The following BMERB1 variants were observed in gnomAD, a reference collection of about 807,000 sequenced individuals.
The protein encoded by BMERB1 is bMERB domain-containing protein 1.
A neutral mutation model predicts 23.6 loss-of-function variants in BMERB1; 12 were observed. That is an observed-to-expected ratio of 0.51 (90% confidence interval 0.33 to 0.82). The LOEUF is 0.82. Among genes scored for constraint, BMERB1 ranks in the 40% least tolerant of loss-of-function variants. The pLI is 0.03. For synonymous variants in BMERB1, 122 were observed against 96.6 expected (o/e 1.26, Z -1.54); for missense variants, 247 against 255.4 (o/e 0.97, Z 0.22).
chr16:15,440,198 T>C (rs542883739), intron 1 of BMERB1, among the ~76,000 whole-genome samples: 1 of 140,912 alleles, frequency 7.1e-6, no homozygotes, highest in South Asian at 2.2e-4. Flanking sequence ...TGAGCCGAGA[T>C]TGGACGGCTG....
intron 2 of BMERB1, among the ~76,000 whole-genome samples, chr16:15,542,378 T>C (rs1311932910): frequency 6.6e-6 from 1 of 152,008 alleles, no homozygotes; most frequent in East Asian, 1.9e-4. Flanking sequence ...CTCTCCCCTG[T>C]CTTTATCACA....
chr16:15,473,994 C>A (rs991006966), intron 1 of BMERB1, among the ~76,000 whole-genome samples: 2 of 151,896 alleles, frequency 1.3e-5, no homozygotes, highest in Non-Finnish European at 2.9e-5. Context: ...GTGGCAGGTG[C>A]CTATAGTCCC....
chr16:15,571,789 T>C (rs1056296810), intron 3 of BMERB1, among the ~76,000 whole-genome samples: 4 of 152,090 alleles, frequency 2.6e-5, no homozygotes, highest in Non-Finnish European at 4.4e-5. Flanking sequence ...GACAAGACTA[T>C]AAATCATCGT....
chr16:15,569,307 G>T (rs1243874895), intron 3 of BMERB1, among the ~76,000 whole-genome samples: 1 of 152,176 alleles, frequency 6.6e-6, no homozygotes, highest in Non-Finnish European at 1.5e-5. Context: ...CATGATGCTG[G>T]TGTCTGCTCA....
At chr16:15,448,412 T>C (rs1212189856) in intron 1 of BMERB1, among the ~76,000 whole-genome samples, 2 of 152,148 alleles carry the variant, frequency 1.3e-5, no homozygotes, top group Non-Finnish European at 2.9e-5. Flanking sequence ...GTAGTTATTA[T>C]GTCTCAGAAG....
At chr16:15,439,457 C>T (rs1261743384) in intron 1 of BMERB1, among the ~76,000 whole-genome samples, 2 of 152,156 alleles carry the variant, frequency 1.3e-5, no homozygotes, top group Non-Finnish European at 2.9e-5. Flanking sequence ...GGGATTGCCC[C>T]AGCAATATTT....
At chr16:15,473,056 C>T (rs1014040750) in intron 1 of BMERB1, among the ~76,000 whole-genome samples, 17 of 151,998 alleles carry the variant, frequency 1.1e-4, no homozygotes, top group Admixed American at 8.5e-4. Context: ...GATGAGGTTT[C>T]GCCATGTTGG....
chr16:15,536,682 C>G (rs1179949393), intron 2 of BMERB1: 1 of 152,214 alleles, frequency 6.6e-6, no homozygotes, highest in Non-Finnish European at 1.5e-5. Flanking sequence ...CTATTGCAAT[C>G]ACATGGAGAA....
chr16:15,533,830 T>C (rs1317975957), intron 2 of BMERB1, among the ~76,000 whole-genome samples: 2 of 152,124 alleles, frequency 1.3e-5, no homozygotes, highest in Non-Finnish European at 1.5e-5. Flanking sequence ...AACTGGGTAG[T>C]CCATAAGATG....
intron 1 of BMERB1, among the ~76,000 whole-genome samples, chr16:15,472,702 CT>C: frequency 6.6e-6 from 1 of 152,198 alleles, no homozygotes; most frequent in Middle Eastern, 3.4e-3. Flanking sequence ...GCCAATCTGT[CT>C]TTAAACTGAT....
intron 1 of BMERB1, among the ~76,000 whole-genome samples, chr16:15,512,498 A>G (rs1347398554): frequency 6.6e-6 from 1 of 151,930 alleles, no homozygotes; most frequent in Non-Finnish European, 1.5e-5. Context: ...TAATCCCAGC[A>G]TTTTGGGAGG....
intron 1 of BMERB1, among the ~76,000 whole-genome samples, chr16:15,449,529 A>G (rs924752576): frequency 6.6e-6 from 1 of 151,374 alleles, no homozygotes; most frequent in Admixed American, 6.6e-5. Flanking sequence ...TAAAAGTTGA[A>G]TTTTTTTTCT....
intron 1 of BMERB1, among the ~76,000 whole-genome samples, chr16:15,479,209 G>C (rs546851673): frequency 6.6e-6 from 1 of 152,298 alleles, no homozygotes; most frequent in African/African-American, 2.4e-5. Flanking sequence ...CCATGGGCTT[G>C]ATGGTTTCCA....
intron 2 of BMERB1, among the ~76,000 whole-genome samples, chr16:15,564,261 C>T (rs1028051589): frequency 3.3e-5 from 5 of 152,162 alleles, no homozygotes; most frequent in African/African-American, 1.2e-4. Context: ...ACTTGTGTTC[C>T]CATAAGCCTA....
At chr16:15,474,977 G>A (rs750937318) in intron 1 of BMERB1, among the ~76,000 whole-genome samples, 8 of 152,074 alleles carry the variant, frequency 5.3e-5, no homozygotes, top group Non-Finnish European at 1.0e-4. Flanking sequence ...GTGAGCCACC[G>A]CACCCAGCCT....
At chr16:15,534,303 A>AAT in intron 2 of BMERB1, among the ~76,000 whole-genome samples, 1 of 116,936 alleles carries the variant, frequency 8.6e-6, no homozygotes, top group Admixed American at 1.0e-4. Context: ...AAAAAAAAAA[A>AAT]AAAAAAAAAA....
intron 1 of BMERB1, among the ~76,000 whole-genome samples, chr16:15,507,001 T>G (rs569373294): frequency 6.6e-6 from 1 of 152,286 alleles, no homozygotes; most frequent in South Asian, 2.1e-4. Flanking sequence ...GAGAGGTTGA[T>G]ATGAGCTAGA....
At chr16:15,550,363 C>T (rs1253883598) in intron 2 of BMERB1, among the ~76,000 whole-genome samples, 1 of 151,368 alleles carries the variant, frequency 6.6e-6, no homozygotes, top group Admixed American at 6.6e-5. Flanking sequence ...GTGAAAGTCT[C>T]ACTCTGTCAC....
chr16:15,462,766 A>G (rs2150928448), intron 1 of BMERB1, among the ~76,000 whole-genome samples: 1 of 152,280 alleles, frequency 6.6e-6, no homozygotes, highest in South Asian at 2.1e-4. Flanking sequence ...AAATGAGTAA[A>G]TATATCATGC....
Sources: gnomAD v4.1 joint callset for allele counts (sites outside exome capture counted in the v4.1 genomes callset) on GRCh38, gnomAD v4.1.1 for gene constraint, MANE v1.5 for transcripts, NCBI Gene and HGNC (gene_info 2026-07-23, HGNC 2026-07-21) for gene names.